The following DCC variants were observed in gnomAD, a reference collection of about 807,000 sequenced individuals.
DCC encodes DCC netrin 1 receptor.
A neutral mutation model predicts 172.5 loss-of-function variants in DCC; 58 were observed. That is an observed-to-expected ratio of 0.34 (90% CI 0.27 to 0.42). The LOEUF is 0.42. DCC is among the 10% of genes least tolerant of loss of function. The pLI, the probability that DCC is intolerant of heterozygous loss-of-function variation, is 1.00. For synonymous variants in DCC, 709 were observed against 644.5 expected, an observed-to-expected ratio of 1.10 and a Z score of -1.52; for missense variants, 1,740 against 1,791.0, an observed-to-expected ratio of 0.97 and a Z score of 0.51.
At chr18:52,867,778 T>C (rs748763539) in intron 2 of DCC, among the ~76,000 whole-genome samples, 11 of 152,148 alleles carry the variant, frequency 7.2e-5, no homozygotes, top group African/African-American at 1.4e-4. Flanking sequence ...TATAGCGTTC[T>C]AAAAGAAATT....
chr18:53,315,162 G>A (rs1349991712), intron 13 of DCC, among the ~76,000 whole-genome samples: 1 of 152,092 alleles, frequency 6.6e-6, no homozygotes, highest in Non-Finnish European at 1.5e-5. Flanking sequence ...CCCTCTCTGT[G>A]TCAATGTGTT....
chr18:53,070,818 A>G (rs576000579), intron 7 of DCC, among the ~76,000 whole-genome samples: 1 of 152,176 alleles, frequency 6.6e-6, no homozygotes, highest in Non-Finnish European at 1.5e-5. Context: ...CCCCTTACAC[A>G]TGATGGATTG....
intron 1 of DCC, among the ~76,000 whole-genome samples, chr18:52,660,080 A>G (rs893253941): frequency 2.6e-5 from 4 of 152,246 alleles, no homozygotes; most frequent in Non-Finnish European, 4.4e-5. Context: ...AAAATAAGAA[A>G]TCGGTTCTCT....
At chr18:52,534,666 C>A (rs1025331694) in intron 1 of DCC, among the ~76,000 whole-genome samples, 3 of 152,114 alleles carry the variant, frequency 2.0e-5, no homozygotes, top group Non-Finnish European at 4.4e-5. Flanking sequence ...TACCACCTTG[C>A]AGATTGAGAG....
chr18:52,953,394 C>T (rs2040690680), intron 5 of DCC, among the ~76,000 whole-genome samples: 3 of 152,128 alleles, frequency 2.0e-5, no homozygotes, highest in Non-Finnish European at 2.9e-5. Context: ...CAGGGCTTTC[C>T]GCCTCTGTGA....
chr18:53,460,153 G>A (rs1397164471), intron 24 of DCC, among the ~76,000 whole-genome samples: 3 of 70,024 alleles, frequency 4.3e-5, no homozygotes, highest in African/African-American at 7.2e-5. Flanking sequence ...ATAATTGTAA[G>A]ATAGTTCACT....
intron 1 of DCC, among the ~76,000 whole-genome samples, chr18:52,708,626 C>T (rs1310266894): frequency 6.6e-6 from 1 of 152,036 alleles, no homozygotes; most frequent in African/African-American, 2.4e-5. Context: ...CAGTGGTGCA[C>T]CTGTCCCTGC....
At chr18:52,416,238 C>T (rs1987023995) in intron 1 of DCC, among the ~76,000 whole-genome samples, 1 of 152,068 alleles carries the variant, frequency 6.6e-6, no homozygotes, top group African/African-American at 2.4e-5. Context: ...GTCTGAGAGA[C>T]AATTTGTTTT....
intron 5 of DCC, among the ~76,000 whole-genome samples, chr18:52,956,357 A>T (rs1191323090): frequency 6.6e-6 from 1 of 152,054 alleles, no homozygotes; most frequent in Non-Finnish European, 1.5e-5. Context: ...TTTGTCAATG[A>T]TCAATTGACT....
intron 1 of DCC, among the ~76,000 whole-genome samples, chr18:52,743,867 G>T (rs752927030): frequency 2.6e-5 from 4 of 152,174 alleles, no homozygotes; most frequent in Non-Finnish European, 4.4e-5. Flanking sequence ...AGAGCAAATC[G>T]GTTCAGCACC....
In DCC at chr18:53,027,748, ACTT is replaced by A. The variant is rs142666247; in HGVS notation, c.986-35553_986-35551del. 1.9e-3 allele frequency among the ~76,000 whole-genome samples: 294 copies of A among 151,618 alleles called. 1 individual carries two copies. The highest frequency in any genetic ancestry group is 6.6e-3 in the African/African-American group (271 of 41,324). On this transcript the variant is annotated intron_variant, in intron 5 of 28. Transcript: ENST00000442544. ...TACTTTCCCTCACTTCCAGCCTCCA[ACTT>A]CTTTTACAGCTTTACTCTCCTACTG...
At chr18:52,718,852 A>G (rs574506118) in intron 1 of DCC, among the ~76,000 whole-genome samples, 1 of 152,318 alleles carries the variant, frequency 6.6e-6, no homozygotes, top group South Asian at 2.1e-4. Flanking sequence ...GGTTAAAGAA[A>G]AATAGCAATC....
intron 1 of DCC, among the ~76,000 whole-genome samples, chr18:52,748,986 C>G (rs1342910588): frequency 2.0e-5 from 3 of 152,134 alleles, no homozygotes; most frequent in Non-Finnish European, 4.4e-5. Flanking sequence ...CAACTGAGGT[C>G]AGGAGTTTGA....
rs2041947316 is a variant in DCC at position 53,025,797 on chromosome 18, C to T, written c.986-37508C>T. ...GATTTAATGGGCAAAAACTATGATACACACACACACACACACACACACACA... is the reference window on the plus strand; with the variant it reads ...GATTTAATGGGCAAAAACTATGATATACACACACACACACACACACACACA... On this transcript the variant is annotated intron_variant, in intron 5 of 28. Transcript: ENST00000442544. Among the ~76,000 whole-genome samples the T allele has an allele frequency of 8.6e-5, 9 of 104,626 alleles. No homozygotes were observed. In the South Asian group the frequency reaches 2.8e-3, roughly 33 times the overall value. 68.6% of individuals were successfully genotyped at this position (104,626 alleles called of 152,430 possible).
chr18:52,774,355 A>G (rs2037392068), intron 2 of DCC, among the ~76,000 whole-genome samples: 1 of 152,194 alleles, frequency 6.6e-6, no homozygotes. Flanking sequence ...AAGACGCTTC[A>G]GTACCAAGAA....
chr18:53,443,914 C>G (rs939178022), intron 22 of DCC, among the ~76,000 whole-genome samples: 1 of 152,146 alleles, frequency 6.6e-6, no homozygotes, highest in African/African-American at 2.4e-5. Context: ...TAAGAGGAGC[C>G]TTGAAGAAGT....
At chr18:53,025,548 CAG>C (rs2041943781) in intron 5 of DCC, among the ~76,000 whole-genome samples, 3 of 152,122 alleles carry the variant, frequency 2.0e-5, no homozygotes, top group Non-Finnish European at 1.5e-5. Context: ...TAGCTCCCAA[CAG>C]TAGTTTAATG....
chr18:52,388,711 G>C (rs1192600658), intron 1 of DCC, among the ~76,000 whole-genome samples: 13 of 152,048 alleles, frequency 8.5e-5, no homozygotes. Flanking sequence ...TCCTTCCAGG[G>C]CCTTCTCTTC....
Position 53,080,103 on chromosome 18 carries a change from A to G in DCC, c.1261+13937A>G, listed in dbSNP as rs113569797. On this transcript the variant is annotated intron_variant, in intron 7 of 28. Transcript: ENST00000442544. The stretch of plus-strand genomic sequence containing the variant: ...TTGAAACTAGTTGGAAAGCTGTATC[A>G]TCAGTAGGCTAAGCAAGAGAGAATG... Among the ~76,000 whole-genome samples, 1,387 of 152,222 alleles carry G rather than the reference A, an allele frequency of 9.1e-3. 24 individuals are homozygous for G. Among genetic ancestry groups the G allele is most frequent in the African/African-American group, 0.031 (1,300 of 41,548 alleles).
Sources: allele counts gnomAD v4.1 joint callset (sites outside exome capture counted in the v4.1 genomes callset), GRCh38; gene constraint gnomAD v4.1.1; transcripts MANE v1.5; gene names NCBI Gene and HGNC (gene_info 2026-07-23, HGNC 2026-07-21).